AK5: variants seen among roughly 807,000 people sequenced by gnomAD.
AK5 encodes adenylate kinase 5.
A neutral mutation model predicts 69.5 loss-of-function variants in AK5; 27 were observed. The ratio of observed to expected loss-of-function variants is 0.39; its 90% CI spans 0.29 to 0.54. The LOEUF is 0.54. Ranked by LOEUF, AK5 falls within the 20% of genes least tolerant of loss-of-function variation. The pLI is 0.71. For missense variants in AK5, 531 were observed against 700.4 expected, an observed-to-expected ratio of 0.76 and a Z score of 2.73; for synonymous variants, 260 against 244.4, an observed-to-expected ratio of 1.06 and a Z score of -0.60.
chr1:77,369,853 A>C (rs1409657483), intron 6 of AK5, among the ~76,000 whole-genome samples: 7 of 152,228 alleles, frequency 4.6e-5, no homozygotes, highest in African/African-American at 1.7e-4. Context: ...TAAATTATTA[A>C]AGGAAAACAA....
chr1:77,344,161 G>A (rs6696968), intron 6 of AK5, among the ~76,000 whole-genome samples: 94,387 of 152,012 alleles, frequency 0.62, 29,613 homozygotes, highest in Middle Eastern at 0.74. Context: ...TGAAAAGAAA[G>A]CCTAATCAGA....
At chr1:77,393,020 C>T (rs1648590134) in intron 6 of AK5, among the ~76,000 whole-genome samples, 1 of 152,068 alleles carries the variant, frequency 6.6e-6, no homozygotes, top group South Asian at 2.1e-4. Flanking sequence ...GCAGTCTCGA[C>T]CTTCTGGGCT....
intron 1 of AK5, among the ~76,000 whole-genome samples, chr1:77,285,367 T>A (rs1237347802): frequency 6.6e-6 from 1 of 152,210 alleles, no homozygotes; most frequent in Non-Finnish European, 1.5e-5. Flanking sequence ...CCCTCTGCAA[T>A]TGAACTTGGC....
At chr1:77,317,979 A>G (rs1220424837) in intron 5 of AK5, among the ~76,000 whole-genome samples, 1 of 152,240 alleles carries the variant, frequency 6.6e-6, no homozygotes, top group Admixed American at 6.5e-5. Flanking sequence ...AAAGATTCTC[A>G]GCCATAGCAT....
intron 6 of AK5, among the ~76,000 whole-genome samples, chr1:77,397,031 A>T (rs1242883430): frequency 1.3e-5 from 2 of 152,230 alleles, no homozygotes; most frequent in Non-Finnish European, 1.5e-5. Flanking sequence ...TCTGGTAGAG[A>T]ATAGTCAGCT....
chr1:77,362,789 GT>G (rs1557528229), intron 6 of AK5, among the ~76,000 whole-genome samples: 1 of 152,160 alleles, frequency 6.6e-6, no homozygotes, highest in Non-Finnish European at 1.5e-5. Context: ...ATAATGTTCA[GT>G]GTTGGCTGGT....
rs192191579 is a variant in AK5, at chr1:77,475,559, G to T, written c.1060-7758G>T. Among the ~76,000 whole-genome samples the T allele has an allele frequency of 3.0e-3, 383 of 129,148 alleles. 7 individuals carry two copies. The highest frequency in any genetic ancestry group is 0.011 in the African/African-American group (368 of 33,820). 84.7% of individuals were successfully genotyped at this position (129,148 alleles called of 152,430 possible). Reference sequence around the variant, plus strand: ...ACAAATATATATTATATATATATATGTATTACTCTCTCTGTATATCTATAT... The same window carrying T: ...ACAAATATATATTATATATATATATTTATTACTCTCTCTGTATATCTATAT... On this transcript the variant is annotated intron_variant, in intron 8 of 13. Transcript: ENST00000354567.
rs577493974 is a variant in AK5 at position 77,418,346 on chromosome 1, C to T, written c.1059+631C>T. ...CTATCACAACAGCACAGAAAAGACCCGCCCCTGTGATTCAGTCATCTCCCA... is the reference window on the plus strand; with the variant it reads ...CTATCACAACAGCACAGAAAAGACCTGCCCCTGTGATTCAGTCATCTCCCA... On this transcript the variant is annotated intron_variant, in intron 8 of 13. Coordinates refer to ENST00000354567, the MANE Select transcript of AK5 (RefSeq NM_174858.3). 1.9e-4 allele frequency among the ~76,000 whole-genome samples: 29 copies of T among 152,242 alleles called. 1 individual carries two copies. The East Asian group carries it at 4.6e-3, about 24-fold the overall frequency.
chr1:77,363,365 C>G (rs796529935), intron 6 of AK5, among the ~76,000 whole-genome samples: 3 of 152,350 alleles, frequency 2.0e-5, no homozygotes, highest in African/African-American at 4.8e-5. Flanking sequence ...GCCACACCAT[C>G]TCTCTACTGG....
chr1:77,316,014 C>A (rs1352703683), intron 5 of AK5, among the ~76,000 whole-genome samples: 1 of 152,026 alleles, frequency 6.6e-6, no homozygotes, highest in African/African-American at 2.4e-5. Flanking sequence ...CTTTTGTTTT[C>A]TAAGGTGTGA....
intron 13 of AK5, among the ~76,000 whole-genome samples, chr1:77,545,200 C>T (rs948512204): frequency 1.3e-5 from 2 of 152,080 alleles, no homozygotes; most frequent in African/African-American, 4.8e-5. Flanking sequence ...TGTATCCTTC[C>T]ACCTCTCCTC....
chr1:77,347,503 A>G (rs1197150427), intron 6 of AK5, among the ~76,000 whole-genome samples: 2 of 152,150 alleles, frequency 1.3e-5, no homozygotes, highest in African/African-American at 4.8e-5. Flanking sequence ...TAATTTACCT[A>G]TTTACATACC....
At position 77,284,468 on chromosome 1, in the gene AK5, T is replaced by G. The variant is rs969916433; in HGVS notation, c.60+2095T>G. Reference sequence around the variant, plus strand: ...ACGTATTGTCAGACAAGTAAATATATCTAACTGACCTTTTCAGATTTTTTC... The same window carrying G: ...ACGTATTGTCAGACAAGTAAATATAGCTAACTGACCTTTTCAGATTTTTTC... On this transcript the variant is annotated intron_variant, in intron 1 of 13. Coordinates refer to ENST00000354567, the MANE Select transcript of AK5 (RefSeq NM_174858.3). Among the ~76,000 whole-genome samples, 9 of 152,350 alleles carry G rather than the reference T, an allele frequency of 5.9e-5. No individual in the cohort carries two copies. In the South Asian group the frequency reaches 1.9e-3, roughly 32 times the overall value.
chr1:77,505,363 T>A (rs532036047), intron 10 of AK5, among the ~76,000 whole-genome samples: 55 of 152,154 alleles, frequency 3.6e-4, no homozygotes, highest in Middle Eastern at 3.4e-3. Flanking sequence ...CCCAAAGAGG[T>A]GAGATATCAG....
intron 6 of AK5, among the ~76,000 whole-genome samples, chr1:77,378,275 A>G (rs1570469452): frequency 6.6e-6 from 1 of 152,220 alleles, no homozygotes; most frequent in South Asian, 2.1e-4. Flanking sequence ...AATCTCTGCA[A>G]TGTGATGACT....
intron 6 of AK5, among the ~76,000 whole-genome samples, chr1:77,385,027 G>T (rs1408992704): frequency 2.0e-5 from 3 of 151,736 alleles, no homozygotes; most frequent in Non-Finnish European, 4.4e-5. Context: ...AAAATTTGTT[G>T]ATTAATATAT....
At chr1:77,401,307 T>C (rs1008011970) in intron 6 of AK5, among the ~76,000 whole-genome samples, 2 of 152,180 alleles carry the variant, frequency 1.3e-5, no homozygotes, top group Non-Finnish European at 2.9e-5. Flanking sequence ...TCCAAACATA[T>C]AAAAGAAATT....
intron 6 of AK5, among the ~76,000 whole-genome samples, chr1:77,355,024 TG>T (rs1284939036): frequency 6.6e-6 from 1 of 152,196 alleles, no homozygotes; most frequent in Non-Finnish European, 1.5e-5. Flanking sequence ...TACTTGATAA[TG>T]TTTATTTTTT....
In AK5 at chr1:77,293,632, C is replaced by T. The variant is rs1658811218; in HGVS notation, c.248-161C>T. ...AAAGCCCAAAATATTGACTATCTGA[C>T]CCTTTACAATAAAGCCTGCTGACCA... On this transcript the variant is annotated intron_variant, in intron 2 of 13. Coordinates refer to ENST00000354567, the MANE Select transcript of AK5 (RefSeq NM_174858.3). 6.9e-6 allele frequency: 4 copies of T among 576,376 alleles called. No individual in the cohort carries two copies. The South Asian group carries it at 1.1e-4, about 16-fold the overall frequency. 35.7% of individuals were successfully genotyped at this position (576,376 alleles called of 1,614,324 possible).
Sources: gnomAD v4.1 joint callset for allele counts (sites outside exome capture counted in the v4.1 genomes callset) on GRCh38, gnomAD v4.1.1 for gene constraint, MANE v1.5 for transcripts, NCBI Gene and HGNC (gene_info 2026-07-23, HGNC 2026-07-21) for gene names.